PFKP: variants seen among roughly 807,000 people sequenced by gnomAD.
PFKP encodes the protein ATP-dependent 6-phosphofructokinase, platelet type.
In PFKP, 101 loss-of-function variants were observed where a neutral mutation model predicts 94.3. The observed-to-expected ratio is 1.07, with a 90% CI of 0.91 to 1.26. The LOEUF (loss-of-function observed/expected upper bound fraction) is 1.26, where lower values mean the gene tolerates loss of function less well. Ranked by LOEUF, PFKP falls within the 50% of genes most tolerant of loss-of-function variation. PFKP has a pLI of 0.00. For missense variants in PFKP, 1,145 were observed against 1,103.3 expected (o/e 1.04, Z -0.53); for synonymous variants, 573 against 432.6 (o/e 1.32, Z -4.03).
intron 2 of PFKP, among the ~76,000 whole-genome samples, chr10:3,088,142 C>A (rs1833766103): frequency 9.3e-6 from 1 of 107,954 alleles, no homozygotes; most frequent in African/African-American, 3.8e-5. Context: ...CTATCCCTCC[C>A]CCCTCCCCCC....
At position 3,077,261 on chromosome 10, in the gene PFKP, C is replaced by CTTTTT. The variant is rs34485324; in HGVS notation, c.113-5112_113-5108dup. Among the ~76,000 whole-genome samples, 212 of 84,256 alleles carry CTTTTT rather than the reference C, an allele frequency of 2.5e-3. 4 individuals carry two copies. The highest frequency in any genetic ancestry group is 3.0e-3 in the Non-Finnish European group (143 of 47,820). 55.3% of individuals were successfully genotyped at this position (84,256 alleles called of 152,430 possible). A position where few individuals can be genotyped will look rare whatever the true frequency, so the allele number is the denominator to read the frequency against. ...CATCTATTCTTTACTTTTTTTTTTT[C>CTTTTT]TTTTTTTTTTTTTTTTTTTGAGATG... On this transcript the variant is annotated intron_variant, in intron 1 of 21. Coordinates refer to ENST00000381125, the MANE Select transcript of PFKP (RefSeq NM_002627.5).
chr10:3,127,754 C>T (rs768255683), intron 16 of PFKP, among the ~76,000 whole-genome samples: 1 of 152,206 alleles, frequency 6.6e-6, no homozygotes, highest in Non-Finnish European at 1.5e-5. Context: ...GCCTGTTTCT[C>T]TCCCCATCTC....
intron 2 of PFKP, among the ~76,000 whole-genome samples, chr10:3,083,742 A>G (rs1234070345): frequency 6.6e-6 from 1 of 152,158 alleles, no homozygotes; most frequent in East Asian, 1.9e-4. Context: ...TCCCAGATTC[A>G]AATGATTCTC....
intron 4 of PFKP, among the ~76,000 whole-genome samples, chr10:3,102,254 A>AAAAAAAAAAC: frequency 1.1e-5 from 1 of 88,266 alleles, no homozygotes; most frequent in Non-Finnish European, 2.4e-5. Flanking sequence ...CTGTCTCAAA[A>AAAAAAAAAAC]AAAAAAAAAA....
chr10:3,071,381 G>C (rs1194395805), intron 1 of PFKP, among the ~76,000 whole-genome samples: 2 of 131,538 alleles, frequency 1.5e-5, no homozygotes, highest in Non-Finnish European at 3.2e-5. Flanking sequence ...TTGTTTGTTT[G>C]TTTGTTTGTT....
Position 3,082,524 on chromosome 10 carries a change from C to T in PFKP, c.186+63C>T, listed in dbSNP as rs549367367. The stretch of plus-strand genomic sequence containing the variant: ...CACCTGCCCAGAGCCCTGCAGTCAC[C>T]GGCGCTCGCTCACCCCTGCCTCCCC... On this transcript the variant is annotated intron_variant, in intron 2 of 21. Transcript: ENST00000381125. 2.8e-5 allele frequency: 34 copies of T among 1,211,502 alleles called. No homozygotes were observed. The South Asian group carries it at 2.8e-4, about 10-fold the overall frequency. 75.0% of individuals were successfully genotyped at this position (1,211,502 alleles called of 1,614,324 possible).
intron 15 of PFKP, 131 bp from the exon 16 acceptor site, chr10:3,119,761 G>GGTGGTCGCCGTATCATTAAAAAAGTGC: frequency 1.5e-6 from 1 of 672,290 alleles, no homozygotes; most frequent in South Asian, 1.9e-5. Flanking sequence ...TGTTGATCTC[G>GGTGGTCGCCGTATCATTAAAAAAGTGC]GAGTGTTTTC....
chr10:3,107,501 G>A (rs111769806), intron 8 of PFKP, among the ~76,000 whole-genome samples, 192 bp downstream of exon 8: 26 of 152,350 alleles, frequency 1.7e-4, no homozygotes, highest in African/African-American at 3.6e-4. Context: ...AGCCCATTCC[G>A]CTTACGTCAC....
At chr10:3,119,252 T>A (rs1343460262) in intron 15 of PFKP, among the ~76,000 whole-genome samples, 2 of 152,228 alleles carry the variant, frequency 1.3e-5, no homozygotes, top group Non-Finnish European at 2.9e-5. Flanking sequence ...CTGTAGACCC[T>A]AATATTTTTT....
chr10:3,125,050 GGT>G (rs1317583647), intron 16 of PFKP: 3 of 1,169,432 alleles, frequency 2.6e-6, no homozygotes, highest in Non-Finnish European at 3.2e-6. Context: ...GGGGCTGGCA[GGT>G]GAGCACCCGG....
intron 1 of PFKP, chr10:3,068,624 G>T: frequency 1.0e-6 from 1 of 979,516 alleles, no homozygotes; most frequent in Non-Finnish European, 1.2e-6. Flanking sequence ...GCGCCGGGAG[G>T]ATATTTAACA....
At chr10:3,135,561 C>T (rs939195612) in intron 20 of PFKP, among the ~76,000 whole-genome samples, 175 bp from the exon 21 acceptor site, 7 of 152,246 alleles carry the variant, frequency 4.6e-5, no homozygotes, top group African/African-American at 1.4e-4. Flanking sequence ...AGGAGCAGAG[C>T]TGCACGAGGC....
At chr10:3,068,092 G>A (rs1011312947) in intron 1 of PFKP, among the ~76,000 whole-genome samples, 1 of 152,152 alleles carries the variant, frequency 6.6e-6, no homozygotes, top group Admixed American at 6.5e-5. Context: ...GCCCTCGGGG[G>A]TCGTTCTGCC....
intron 21 of PFKP, 138 bp downstream of exon 21, chr10:3,135,976 T>C (rs1411989395): frequency 3.2e-6 from 2 of 630,290 alleles, no homozygotes; most frequent in Non-Finnish European, 2.8e-6. Context: ...AAAAAAATAC[T>C]AGGTCTTGGC....
At position 3,114,005 on chromosome 10, in the gene PFKP, G is replaced by A. The variant is rs142173090; in HGVS notation, c.1371+487G>A. On this transcript the variant is annotated intron_variant, in intron 13 of 21. Coordinates refer to ENST00000381125, the MANE Select transcript of PFKP (RefSeq NM_002627.5). ...TTAAGCCTCACACTAAATCTAAGAT[G>A]TTATCCCCATTTTCCTCACAAGAAA... is the stretch of plus-strand genomic sequence containing the variant. Among the ~76,000 whole-genome samples, 8 of 151,324 alleles carry A rather than the reference G, an allele frequency of 5.3e-5. No homozygotes were observed. The East Asian group carries it at 1.6e-3, about 30-fold the overall frequency.
rs921248016 is a variant in PFKP, at chr10:3,129,652, C to T, written c.1684-167C>T. The T allele has an allele frequency of 8.4e-5, 61 of 723,560 alleles. 1 individual carries two copies. The highest frequency in any genetic ancestry group is 4.3e-4 in the African/African-American group (24 of 55,872). 44.8% of individuals were successfully genotyped at this position (723,560 alleles called of 1,614,324 possible). On this transcript the variant is annotated intron_variant, in intron 16 of 21. Coordinates refer to ENST00000381125, the MANE Select transcript of PFKP (RefSeq NM_002627.5). ...CGGGGGACCACGTTCACACCCACTC[C>T]GAGGGCACATCCTGGCTGCTGCACA...
At chr10:3,124,093 C>T (rs531482596) in intron 16 of PFKP, among the ~76,000 whole-genome samples, 1 of 152,194 alleles carries the variant, frequency 6.6e-6, no homozygotes, top group East Asian at 1.9e-4. Context: ...CACACGGGCT[C>T]CAGGCCTTGG....
chr10:3,129,649 C>A, intron 16 of PFKP, 170 bp from the exon 17 acceptor site: 1 of 714,050 alleles, frequency 1.4e-6, no homozygotes, highest in South Asian at 1.8e-5. Context: ...TTCACACCCA[C>A]TCCGAGGGCA....
intron 2 of PFKP, among the ~76,000 whole-genome samples, chr10:3,089,284 A>G (rs572840212): frequency 3.9e-5 from 6 of 152,258 alleles, no homozygotes; most frequent in East Asian, 1.9e-4. Flanking sequence ...CATTGCCACA[A>G]ATGATGGGGT....
Sources: allele counts gnomAD v4.1 joint callset (sites outside exome capture counted in the v4.1 genomes callset), GRCh38; gene constraint gnomAD v4.1.1; transcripts MANE v1.5; gene names NCBI Gene and HGNC (gene_info 2026-07-23, HGNC 2026-07-21).